The following MCC variants were observed in gnomAD, a reference collection of about 807,000 sequenced individuals.
MCC encodes the protein MCC regulator of Wnt signaling pathway, also known as colorectal mutant cancer protein.
Under a neutral mutation model 116.2 loss-of-function variants are expected in MCC, and 90 were observed. The observed-to-expected ratio is 0.77, with a 90% CI of 0.65 to 0.92. The LOEUF is 0.92. Among genes scored for constraint, MCC ranks in the 40% least tolerant of loss-of-function variants. The pLI, the probability that MCC is intolerant of heterozygous loss-of-function variation, is 0.00. For missense variants in MCC, 1,516 were observed against 1,312.2 expected, an observed-to-expected ratio of 1.16 and a Z score of -2.40; for synonymous variants, 578 against 510.5, an observed-to-expected ratio of 1.13 and a Z score of -1.78.
chr5:113,206,207 T>C (rs1002477480), intron 3 of MCC, among the ~76,000 whole-genome samples: 4 of 152,186 alleles, frequency 2.6e-5, no homozygotes, highest in African/African-American at 9.6e-5. Context: ...AAAGGCAGCA[T>C]CCAAGCTTTA....
chr5:113,108,355 A>G (rs1337163766), intron 6 of MCC, among the ~76,000 whole-genome samples: 1 of 150,098 alleles, frequency 6.7e-6, no homozygotes. Context: ...AAAAAAAAAA[A>G]AAAAAAGAAA....
intron 11 of MCC, among the ~76,000 whole-genome samples, chr5:113,073,535 C>T (rs1299159549): frequency 5.9e-5 from 9 of 152,232 alleles, no homozygotes; most frequent in African/African-American, 2.2e-4. Context: ...TGCTCTGCCA[C>T]CTCGTCTCAT....
chr5:113,406,568 T>C (rs561114984), intron 1 of MCC, among the ~76,000 whole-genome samples: 3 of 152,348 alleles, frequency 2.0e-5, no homozygotes, highest in East Asian at 1.9e-4. Flanking sequence ...ATCCTATTTG[T>C]AGTCTACATC....
At chr5:113,310,645 A>G (rs1284447210) in intron 3 of MCC, among the ~76,000 whole-genome samples, 1 of 152,194 alleles carries the variant, frequency 6.6e-6, no homozygotes, top group Non-Finnish European at 1.5e-5. Flanking sequence ...TTATTTTTCA[A>G]ACACCTTCCA....
chr5:113,179,357 T>C (rs547581991), intron 3 of MCC, among the ~76,000 whole-genome samples: 6 of 152,306 alleles, frequency 3.9e-5, no homozygotes, highest in South Asian at 4.2e-4. Flanking sequence ...CAGGGAACAT[T>C]TGTCTTCTCA....
At chr5:113,157,852 T>G (rs755441542) in intron 3 of MCC, among the ~76,000 whole-genome samples, 1 of 152,206 alleles carries the variant, frequency 6.6e-6, no homozygotes, top group Admixed American at 6.5e-5. Flanking sequence ...AGTCAGAGAT[T>G]CAAAATAATT....
At chr5:113,110,781 A>G (rs549370525) in intron 6 of MCC, among the ~76,000 whole-genome samples, 108 of 152,332 alleles carry the variant, frequency 7.1e-4, no homozygotes, top group African/African-American at 2.5e-3. Flanking sequence ...GGATAGGGCT[A>G]TGGTGTCTGG....
chr5:113,116,969 G>C (rs2150266090), intron 6 of MCC, among the ~76,000 whole-genome samples: 1 of 152,320 alleles, frequency 6.6e-6, no homozygotes, highest in South Asian at 2.1e-4. Context: ...AGGTAACAAA[G>C]GGCTTGGCCT....
chr5:113,373,493 T>C (rs181922739), intron 2 of MCC, among the ~76,000 whole-genome samples: 2 of 152,336 alleles, frequency 1.3e-5, no homozygotes. Context: ...TCATTTATTA[T>C]CTTTGGTTTC....
intron 8 of MCC, among the ~76,000 whole-genome samples, chr5:113,097,853 A>T (rs938003405): frequency 6.6e-6 from 1 of 152,176 alleles, no homozygotes; most frequent in Non-Finnish European, 1.5e-5. Context: ...TCAAAATAGC[A>T]TGTCTACTTG....
chr5:113,088,457 T>G (rs1755357373), intron 8 of MCC, among the ~76,000 whole-genome samples: 1 of 151,028 alleles, frequency 6.6e-6, no homozygotes, highest in Non-Finnish European at 1.5e-5. Context: ...TACCCGTGAA[T>G]GTGACCGCAT....
chr5:113,455,639 T>C (rs889852931), intron 1 of MCC, among the ~76,000 whole-genome samples: 3 of 152,180 alleles, frequency 2.0e-5, no homozygotes, highest in African/African-American at 4.8e-5. Flanking sequence ...AGAAAGGCAA[T>C]ATGTTGTATT....
chr5:113,246,810 G>GA (rs1171766908), intron 3 of MCC, among the ~76,000 whole-genome samples: 2 of 152,212 alleles, frequency 1.3e-5, no homozygotes, highest in African/African-American at 4.8e-5. Context: ...CAGGGAAGGG[G>GA]AGAGGCTTGC....
Position 113,143,323 on chromosome 5 carries a change from A to AC in MCC, c.778dup (p.Val260GlyfsTer10). The AC allele has an allele frequency of 6.2e-7, 1 of 1,613,868 alleles. No homozygotes were observed. The highest frequency in any genetic ancestry group is 8.5e-7 in the Non-Finnish European group (1 of 1,179,948). ...ATAGCGAAGTGTCGTTCGCTCCTGG[A>AC]CATCCTCATGCTCTCTCATGAGGTG... On this transcript the variant is annotated frameshift_variant, in exon 5 of 19. Coordinates refer to ENST00000408903, the MANE Select transcript of MCC (RefSeq NM_001085377.2). LOFTEE classifies it high-confidence loss of function.
chr5:113,090,132 T>C (rs1287958129), intron 8 of MCC, among the ~76,000 whole-genome samples: 1 of 151,354 alleles, frequency 6.6e-6, no homozygotes, highest in Admixed American at 6.6e-5. Context: ...AGTGCCTGTG[T>C]GGAGCTGGCA....
chr5:113,445,572 AAC>A (rs1194192743), intron 1 of MCC, among the ~76,000 whole-genome samples: 1 of 152,190 alleles, frequency 6.6e-6, no homozygotes, highest in Admixed American at 6.5e-5. Flanking sequence ...AGCACTATAA[AAC>A]ACTGCTGAAA....
intron 3 of MCC, among the ~76,000 whole-genome samples, chr5:113,184,946 T>G (rs922669242): frequency 1.3e-5 from 2 of 152,190 alleles, no homozygotes; most frequent in Admixed American, 1.3e-4. Flanking sequence ...GAGAGTAACT[T>G]TGTATTTGTC....
intron 1 of MCC, among the ~76,000 whole-genome samples, chr5:113,418,005 A>C (rs1580351004): frequency 2.0e-5 from 3 of 152,052 alleles, no homozygotes; most frequent in Non-Finnish European, 2.9e-5. Flanking sequence ...AAAGGATATG[A>C]GACTTAAATA....
chr5:113,379,208 C>A (rs1030802217), intron 2 of MCC, among the ~76,000 whole-genome samples: 2 of 152,194 alleles, frequency 1.3e-5, no homozygotes, highest in Admixed American at 6.5e-5. Context: ...GTTAAAGTTG[C>A]AAGAGACTCA....
Sources: allele counts gnomAD v4.1 joint callset (sites outside exome capture counted in the v4.1 genomes callset), GRCh38; gene constraint gnomAD v4.1.1; transcripts MANE v1.5; gene names NCBI Gene and HGNC (gene_info 2026-07-23, HGNC 2026-07-21).